The following MSRA variants were observed in gnomAD, a reference collection of about 807,000 sequenced individuals.
MSRA encodes mitochondrial peptide methionine sulfoxide reductase.
A neutral mutation model predicts 31.3 loss-of-function variants in MSRA; 54 were observed. The observed-to-expected ratio is 1.73, with a 90% CI of 1.39 to 2.17. The LOEUF (loss-of-function observed/expected upper bound fraction) is 2.17. Among genes scored for constraint, MSRA ranks in the 30% most tolerant of loss-of-function variants. The pLI is 0.00. For missense variants in MSRA, 507 were observed against 300.9 expected, an observed-to-expected ratio of 1.69 and a Z score of -5.07; for synonymous variants, 169 against 116.5, an observed-to-expected ratio of 1.45 and a Z score of -2.90.
At position 10,266,239 on chromosome 8, in the gene MSRA, C is replaced by G. The variant is rs1234259533; in HGVS notation, c.331+21016C>G. On this transcript the variant is annotated intron_variant, in intron 3 of 5. Transcript: ENST00000317173. The stretch of plus-strand genomic sequence containing the variant: ...GTGTACGAGGGTTCCAGTTTCTTCA[C>G]TTGCTCATTAGCAGTTGGTATGGCC... Among the ~76,000 whole-genome samples, 5 of 152,332 alleles carry G rather than the reference C, an allele frequency of 3.3e-5. No homozygotes were observed. The East Asian group carries it at 9.6e-4, about 29-fold the overall frequency.
chr8:10,083,589 A>G (rs897619174), intron 1 of MSRA, among the ~76,000 whole-genome samples: 2 of 152,206 alleles, frequency 1.3e-5, no homozygotes, highest in Admixed American at 1.3e-4. Flanking sequence ...ATTTAACAAA[A>G]CCTGAGTTAA....
rs974041385 is a variant in MSRA, at chr8:10,397,858, CA to C, written c.544-30282del. Among the ~76,000 whole-genome samples, 4 of 151,590 alleles carry C rather than the reference CA, an allele frequency of 2.6e-5. No individual in the cohort carries two copies. In the East Asian group the frequency reaches 5.8e-4, roughly 22 times the overall value. ...TTTTATTCCTGTCATTCTAAATTAC[CA>C]AAAAAAAGGAGAAGTAAGGAAGTAA... On this transcript the variant is annotated intron_variant, in intron 5 of 5. Transcript: ENST00000317173.
intron 1 of MSRA, among the ~76,000 whole-genome samples, chr8:10,143,507 A>G (rs933955846): frequency 1.3e-5 from 2 of 152,164 alleles, no homozygotes; most frequent in African/African-American, 2.4e-5. Context: ...ACGAGGCTCT[A>G]TATCCTTATG....
chr8:10,295,853 C>T (rs752367502), intron 3 of MSRA, among the ~76,000 whole-genome samples: 5 of 152,094 alleles, frequency 3.3e-5, no homozygotes, highest in Non-Finnish European at 7.4e-5. Context: ...CAGAGGAAGT[C>T]GTTGACAGGG....
At chr8:10,219,137 G>C (rs964938099) in intron 2 of MSRA, among the ~76,000 whole-genome samples, 1 of 152,216 alleles carries the variant, frequency 6.6e-6, no homozygotes, top group Non-Finnish European at 1.5e-5. Context: ...CTGTTGAAAT[G>C]ATAGAAATGG....
intron 1 of MSRA, among the ~76,000 whole-genome samples, chr8:10,166,444 G>T (rs1805132476): frequency 6.6e-6 from 1 of 152,130 alleles, no homozygotes; most frequent in South Asian, 2.1e-4. Context: ...GTATGCATTT[G>T]TGTGACTACA....
At chr8:10,076,802 G>A (rs1217432852) in intron 1 of MSRA, among the ~76,000 whole-genome samples, 2 of 152,130 alleles carry the variant, frequency 1.3e-5, no homozygotes, top group African/African-American at 2.4e-5. Context: ...AGAGTGGGTA[G>A]CATCAGGAGA....
At chr8:10,062,462 G>A (rs979288513) in intron 1 of MSRA, among the ~76,000 whole-genome samples, 10 of 152,256 alleles carry the variant, frequency 6.6e-5, no homozygotes, top group African/African-American at 2.4e-4. Flanking sequence ...ATGAACTGAG[G>A]GCAGGAATTG....
At chr8:10,101,546 C>A (rs989113118) in intron 1 of MSRA, among the ~76,000 whole-genome samples, 1 of 152,166 alleles carries the variant, frequency 6.6e-6, no homozygotes, top group Admixed American at 6.5e-5. Flanking sequence ...CTTCCCCAAA[C>A]CCCGCAACAG....
intron 3 of MSRA, among the ~76,000 whole-genome samples, chr8:10,269,229 C>G (rs754681507): frequency 1.3e-5 from 2 of 152,178 alleles, no homozygotes; most frequent in Non-Finnish European, 2.9e-5. Context: ...AGAAATGATA[C>G]CACAGAGTGA....
chr8:10,173,519 T>A (rs1805780916), intron 1 of MSRA, among the ~76,000 whole-genome samples: 1 of 152,228 alleles, frequency 6.6e-6, no homozygotes, highest in Non-Finnish European at 1.5e-5. Flanking sequence ...GGAATCGGCC[T>A]CCTCTGGCTG....
At chr8:10,280,072 A>G (rs997082175) in intron 3 of MSRA, among the ~76,000 whole-genome samples, 1 of 152,152 alleles carries the variant, frequency 6.6e-6, no homozygotes, top group African/African-American at 2.4e-5. Flanking sequence ...TTGGGAAGTT[A>G]TATTTTTCTA....
At chr8:10,404,002 A>G (rs1807633026) in intron 5 of MSRA, among the ~76,000 whole-genome samples, 1 of 152,184 alleles carries the variant, frequency 6.6e-6, no homozygotes, top group South Asian at 2.1e-4. Flanking sequence ...TGGGCGGGGG[A>G]CTGTTGCTCA....
chr8:10,324,063 G>T (rs995354191), intron 5 of MSRA, among the ~76,000 whole-genome samples: 1 of 152,176 alleles, frequency 6.6e-6, no homozygotes, highest in Non-Finnish European at 1.5e-5. Context: ...CAGAGTTTCA[G>T]ACTAGACCAG....
At chr8:10,289,488 C>T (rs971810795) in intron 3 of MSRA, among the ~76,000 whole-genome samples, 5 of 152,104 alleles carry the variant, frequency 3.3e-5, no homozygotes, top group Non-Finnish European at 7.4e-5. Flanking sequence ...TCTGCATCCC[C>T]TCGAGCATTT....
At chr8:10,354,746 G>GTATA (rs1354904199) in intron 5 of MSRA, among the ~76,000 whole-genome samples, 9 of 130,082 alleles carry the variant, frequency 6.9e-5, no homozygotes, top group African/African-American at 2.7e-4. Context: ...GTGTGTGTGT[G>GTATA]TGTGTATATA....
chr8:10,101,744 C>A (rs1296543085), intron 1 of MSRA, among the ~76,000 whole-genome samples: 1 of 152,178 alleles, frequency 6.6e-6, no homozygotes, highest in East Asian at 1.9e-4. Context: ...CTGAATAATA[C>A]TCTATTGTAT....
At chr8:10,099,031 G>C (rs566460990) in intron 1 of MSRA, among the ~76,000 whole-genome samples, 1 of 152,312 alleles carries the variant, frequency 6.6e-6, no homozygotes, top group South Asian at 2.1e-4. Context: ...AGGTTTGCTA[G>C]GGGGTGTGGT....
intron 2 of MSRA, among the ~76,000 whole-genome samples, chr8:10,215,531 T>C (rs1809914199): frequency 6.6e-6 from 1 of 152,164 alleles, no homozygotes; most frequent in Non-Finnish European, 1.5e-5. Flanking sequence ...CTAGGCTCTA[T>C]GGGATCCATC....
Sources: gnomAD v4.1 joint callset for allele counts (sites outside exome capture counted in the v4.1 genomes callset) on GRCh38, gnomAD v4.1.1 for gene constraint, MANE v1.5 for transcripts, NCBI Gene and HGNC (gene_info 2026-07-23, HGNC 2026-07-21) for gene names.